NEDD1: variants seen among roughly 807,000 people sequenced by gnomAD.
The protein encoded by NEDD1 is NEDD1 gamma-tubulin ring complex targeting factor.
A neutral mutation model predicts 74.0 loss-of-function variants in NEDD1; 33 were observed. The ratio of observed to expected loss-of-function variants is 0.45; its 90% CI spans 0.34 to 0.60. The LOEUF (loss-of-function observed/expected upper bound fraction) is 0.60. NEDD1 is among the 20% of genes least tolerant of loss of function. NEDD1 has a pLI of 0.01. For synonymous variants in NEDD1, 250 were observed against 264.4 expected, an observed-to-expected ratio of 0.95 and a Z score of 0.53; for missense variants, 746 against 776.5, an observed-to-expected ratio of 0.96 and a Z score of 0.47.
At chr12:96,910,552 G>A (rs928330603) in intron 3 of NEDD1, among the ~76,000 whole-genome samples, 2 of 152,196 alleles carry the variant, frequency 1.3e-5, no homozygotes, top group Non-Finnish European at 2.9e-5. Flanking sequence ...AGTGAAGACT[G>A]TAAACTAGGG....
At chr12:96,913,870 T>G (rs1874178185) in intron 4 of NEDD1, among the ~76,000 whole-genome samples, 1 of 152,246 alleles carries the variant, frequency 6.6e-6, no homozygotes, top group African/African-American at 2.4e-5. Flanking sequence ...TGTCATAATT[T>G]TACACACTGG....
intron 11 of NEDD1, 124 bp from the exon 12 acceptor site, chr12:96,943,436 A>G: frequency 1.5e-6 from 1 of 678,680 alleles, no homozygotes; most frequent in Non-Finnish European, 2.6e-6. Context: ...TGAGAAACAA[A>G]CCAGTCTTCA....
At chr12:96,918,157 CTCT>C (rs1227735750) in intron 5 of NEDD1, among the ~76,000 whole-genome samples, 1 of 150,092 alleles carries the variant, frequency 6.7e-6, no homozygotes, top group African/African-American at 2.4e-5. Context: ...TATTTGGCTG[CTCT>C]TGTTTGTGTT....
chr12:96,948,836 A>G (rs1313443011), intron 14 of NEDD1, among the ~76,000 whole-genome samples: 1 of 152,156 alleles, frequency 6.6e-6, no homozygotes, highest in Non-Finnish European at 1.5e-5. Context: ...GTGGGTCCCA[A>G]ACTTCAGCCT....
At chr12:96,917,487 G>A (rs1390185869) in intron 4 of NEDD1, 134 bp from the exon 5 acceptor site, 2 of 1,044,632 alleles carry the variant, frequency 1.9e-6, no homozygotes, top group Non-Finnish European at 2.5e-6. Flanking sequence ...TGGCTCTTTA[G>A]TACAAGATTA....
intron 5 of NEDD1, among the ~76,000 whole-genome samples, chr12:96,918,268 G>T (rs2136526080): frequency 6.6e-6 from 1 of 151,126 alleles, no homozygotes; most frequent in Middle Eastern, 3.4e-3. Context: ...TTAGCTTTTT[G>T]TAGTTTCAGA....
At chr12:96,912,939 C>T (rs1874070590) in intron 4 of NEDD1, 122 bp downstream of exon 4, 1 of 575,744 alleles carries the variant, frequency 1.7e-6, no homozygotes, top group Non-Finnish European at 3.1e-6. Context: ...TTAACTTAAG[C>T]TCAAAATAAT....
intron 6 of NEDD1, among the ~76,000 whole-genome samples, chr12:96,931,832 A>C (rs1183141157): frequency 6.6e-6 from 1 of 152,180 alleles, no homozygotes; most frequent in African/African-American, 2.4e-5. Flanking sequence ...TACTTAAAGG[A>C]TACCCCCTCA....
Position 96,909,909 on chromosome 12 carries a change from A to G in NEDD1, c.136+14A>G, listed in dbSNP as rs773537914. ...GGAGCAGCAATAGTATCCTTTAAAA[A>G]AAAAAAACACACACACACACACACA... On this transcript the variant is annotated intron_variant, in intron 3 of 15. Transcript: ENST00000266742. 2 of 1,516,462 alleles carry G rather than the reference A, an allele frequency of 1.3e-6. No homozygotes were observed. Among genetic ancestry groups the G allele is most frequent in the Non-Finnish European group, 1.8e-6 (2 of 1,119,562 alleles). The allele number at this position is 1,516,462 out of a possible 1,614,324, so 93.9% of individuals were successfully genotyped here.
chr12:96,909,244 A>G (rs1334049868), intron 2 of NEDD1, among the ~76,000 whole-genome samples: 1 of 152,098 alleles, frequency 6.6e-6, no homozygotes, highest in Non-Finnish European at 1.5e-5. Flanking sequence ...GTATTGGGAT[A>G]TAGGGTAAAC....
At chr12:96,941,154 T>C (rs1877628139) in intron 10 of NEDD1, among the ~76,000 whole-genome samples, 1 of 152,000 alleles carries the variant, frequency 6.6e-6, no homozygotes, top group South Asian at 2.1e-4. Flanking sequence ...TTTGACAGAG[T>C]TAATATATTC....
intron 6 of NEDD1, among the ~76,000 whole-genome samples, chr12:96,932,442 TAAAAAAAA>T (rs747225218): frequency 6.6e-4 from 7 of 10,650 alleles, no homozygotes; most frequent in East Asian, 6.9e-3. Flanking sequence ...TCCTGTCTCT[TAAAAAAAA>T]AAAAAAAAAA....
chr12:96,914,284 T>C (rs369958664), intron 4 of NEDD1, among the ~76,000 whole-genome samples: 5 of 152,252 alleles, frequency 3.3e-5, no homozygotes, highest in Non-Finnish European at 5.9e-5. Flanking sequence ...ACTACTGTTA[T>C]GCATTATGCC....
intron 14 of NEDD1, 43 bp from the exon 15 acceptor site, chr12:96,951,389 T>C (rs181465733): frequency 3.9e-4 from 452 of 1,150,236 alleles, no homozygotes; most frequent in Non-Finnish European, 5.3e-4. Context: ...CTAGAATTGG[T>C]TAAACTATTG....
intron 15 of NEDD1, 88 bp downstream of exon 15, chr12:96,951,586 G>GAA: frequency 1.4e-6 from 1 of 702,038 alleles, no homozygotes; most frequent in Non-Finnish European, 2.4e-6. Flanking sequence ...ATATATTTTA[G>GAA]TTGTTTTGTT....
chr12:96,937,415 T>C, intron 9 of NEDD1, 22 bp downstream of exon 9: 3 of 1,396,648 alleles, frequency 2.1e-6, no homozygotes, highest in Non-Finnish European at 2.9e-6. Context: ...TTATATATTG[T>C]TGGAGGGTTG....
chr12:96,923,498 T>C (rs1875335468), intron 6 of NEDD1, among the ~76,000 whole-genome samples: 1 of 152,202 alleles, frequency 6.6e-6, no homozygotes. Flanking sequence ...ACATTTTTGC[T>C]AATACTTGGC....
chr12:96,943,603 A>G lies in NEDD1; in HGVS notation c.1338A>G (p.Arg446=), dbSNP rs769049293. ...LPQLNSVFPP[R]KNPVTSSTSV... The stretch of plus-strand genomic sequence containing the variant: ...AGTTGAACTCAGTGTTTCCTCCAAG[A>G]AAAAATCCAGTAACTTCAAGTACTT... The change falls in exon 12 of 16, where the codon AGA becomes AGG. Residue 446 remains arginine, a synonymous_variant. Coordinates refer to ENST00000266742, the MANE Select transcript of NEDD1 (RefSeq NM_152905.4). 3.7e-6 allele frequency: 6 copies of G among 1,613,208 alleles called. No homozygotes were observed. The East Asian group carries it at 1.3e-4, about 36-fold the overall frequency.
chr12:96,921,047 T>C (rs61564045), intron 6 of NEDD1, among the ~76,000 whole-genome samples: 6,246 of 152,164 alleles, frequency 0.041, 435 homozygotes, highest in African/African-American at 0.14. Context: ...GGGAATAAAA[T>C]AGGGAAAATT....
Sources: gnomAD v4.1 joint callset for allele counts (sites outside exome capture counted in the v4.1 genomes callset) on GRCh38, gnomAD v4.1.1 for gene constraint, MANE v1.5 for transcripts, NCBI Gene and HGNC (gene_info 2026-07-23, HGNC 2026-07-21) for gene names.